RANBP17: variants seen among roughly 807,000 people sequenced by gnomAD.
The protein encoded by RANBP17 is ran-binding protein 17.
In RANBP17, 158 loss-of-function variants were observed where a neutral mutation model predicts 141.2. The ratio of observed to expected loss-of-function variants is 1.12; its 90% CI spans 0.98 to 1.28. RANBP17 has a LOEUF of 1.28. Among genes scored for constraint, RANBP17 ranks in the 50% most tolerant of loss-of-function variants. The pLI is 0.00. For missense variants in RANBP17, 1,438 were observed against 1,290.7 expected, an observed-to-expected ratio of 1.11 and a Z score of -1.75; for synonymous variants, 430 against 450.0, an observed-to-expected ratio of 0.96 and a Z score of 0.56.
intron 14 of RANBP17, among the ~76,000 whole-genome samples, chr5:171,148,157 A>G (rs1030483223): frequency 1.3e-5 from 2 of 152,048 alleles, no homozygotes; most frequent in South Asian, 2.1e-4. Context: ...AGGGCGGTGC[A>G]AGATGTGCTT....
chr5:171,071,136 A>T (rs983442673), intron 14 of RANBP17, among the ~76,000 whole-genome samples: 2 of 152,124 alleles, frequency 1.3e-5, no homozygotes, highest in Non-Finnish European at 2.9e-5. Flanking sequence ...CATACAGTTC[A>T]TGTTTCTGTG....
chr5:171,258,957 A>T (rs961986906), intron 24 of RANBP17, among the ~76,000 whole-genome samples: 1 of 152,228 alleles, frequency 6.6e-6, no homozygotes, highest in African/African-American at 2.4e-5. Context: ...ATGGGAGAGA[A>T]TATTTATAAA....
chr5:171,102,587 T>G (rs1306265685), intron 14 of RANBP17, among the ~76,000 whole-genome samples: 1 of 152,132 alleles, frequency 6.6e-6, no homozygotes, highest in Non-Finnish European at 1.5e-5. Flanking sequence ...TTCTGAAGCC[T>G]CCTTCTATCA....
At chr5:171,102,654 T>A (rs1240834626) in intron 14 of RANBP17, among the ~76,000 whole-genome samples, 1 of 152,160 alleles carries the variant, frequency 6.6e-6, no homozygotes, top group African/African-American at 2.4e-5. Context: ...GGAGTTGTGA[T>A]CCTTTGGAAG....
chr5:171,180,667 G>T (rs937429212), intron 16 of RANBP17, among the ~76,000 whole-genome samples: 1 of 151,912 alleles, frequency 6.6e-6, no homozygotes, highest in Non-Finnish European at 1.5e-5. Context: ...GCTTTGAATT[G>T]GATTTCTATA....
intron 14 of RANBP17, among the ~76,000 whole-genome samples, chr5:170,992,863 C>T (rs1195631261): frequency 1.3e-5 from 2 of 152,002 alleles, no homozygotes; most frequent in African/African-American, 4.8e-5. Context: ...CACCTGGAAA[C>T]GTTAAAAATG....
chr5:170,878,133 T>C lies in RANBP17; in HGVS notation c.55T>C (p.Tyr19His). ...ATTGGAAGTGTTATGTACTCATCTC[T>C]ACATAGGGACTGATCTTACACAAAG... ...AELEVLCTHLYIGTDLTQRIE... is the reference protein window; with the variant it reads ...AELEVLCTHLHIGTDLTQRIE... Residue 19 changes from tyrosine (Y) to histidine (H), a missense_variant, in exon 2 of 28, where the codon TAC becomes CAC. Transcript: ENST00000523189. 1 of 1,611,358 alleles carries C rather than the reference T, an allele frequency of 6.2e-7. No individual in the cohort carries two copies. Among genetic ancestry groups the C allele is most frequent in the Admixed American group, 1.7e-5 (1 of 59,808 alleles).
chr5:171,137,610 G>GTGTGTGTGTGTGTGTC (rs1757396669), intron 14 of RANBP17, among the ~76,000 whole-genome samples: 1 of 122,434 alleles, frequency 8.2e-6, no homozygotes, highest in Non-Finnish European at 1.9e-5. Context: ...GTGTGTCTGT[G>GTGTGTGTGTGTGTGTC]TGTGTGTGTG....
At chr5:170,976,243 A>T (rs1479545509) in intron 14 of RANBP17, among the ~76,000 whole-genome samples, 1 of 152,182 alleles carries the variant, frequency 6.6e-6, no homozygotes, top group African/African-American at 2.4e-5. Context: ...ATTCCATTAT[A>T]ATAGAATCAG....
intron 12 of RANBP17, among the ~76,000 whole-genome samples, chr5:170,936,355 C>T (rs571463043): frequency 1.8e-4 from 28 of 152,166 alleles, no homozygotes; most frequent in Non-Finnish European, 3.4e-4. Context: ...CTGTCTTCTG[C>T]GTCAGTCTCT....
intron 16 of RANBP17, among the ~76,000 whole-genome samples, chr5:171,178,266 G>A (rs1760642701): frequency 6.8e-6 from 1 of 147,922 alleles, no homozygotes; most frequent in African/African-American, 2.5e-5. Context: ...GTGAGAACAT[G>A]TGGTGTTTGG....
chr5:171,230,098 T>C (rs1225075441), intron 22 of RANBP17, among the ~76,000 whole-genome samples: 1 of 152,078 alleles, frequency 6.6e-6, no homozygotes, highest in East Asian at 1.9e-4. Context: ...TTATAGATTC[T>C]TCCCTTAAGG....
At chr5:171,047,500 G>A (rs1486714871) in intron 14 of RANBP17, among the ~76,000 whole-genome samples, 3 of 148,518 alleles carry the variant, frequency 2.0e-5, no homozygotes, top group Non-Finnish European at 3.0e-5. Context: ...GCAGTGGTGC[G>A]ATCTCAGCTC....
At chr5:170,975,911 G>A (rs1777335818) in intron 14 of RANBP17, among the ~76,000 whole-genome samples, 1 of 151,950 alleles carries the variant, frequency 6.6e-6, no homozygotes, top group African/African-American at 2.4e-5. Context: ...TCTTATGATC[G>A]AGAGTAAGAC....
chr5:171,013,334 G>C (rs889051180), intron 14 of RANBP17, among the ~76,000 whole-genome samples: 1 of 152,060 alleles, frequency 6.6e-6, no homozygotes, highest in African/African-American at 2.4e-5. Context: ...CTTTCCTATT[G>C]AGAAACCACA....
At chr5:171,273,062 C>T (rs1030567135) in intron 25 of RANBP17, among the ~76,000 whole-genome samples, 3 of 152,110 alleles carry the variant, frequency 2.0e-5, no homozygotes, top group Non-Finnish European at 4.4e-5. Context: ...TTAATGCCTC[C>T]GAGGTAGCTC....
At position 170,955,802 on chromosome 5, in the gene RANBP17, A is replaced by C. The variant is rs945794414; in HGVS notation, c.1574+2100A>C. 5.5e-5 allele frequency among the ~76,000 whole-genome samples: 8 copies of C among 145,932 alleles called. No homozygotes were observed. In the South Asian group the frequency reaches 1.7e-3, roughly 31 times the overall value. ...AATTTATAATAACAAAAATTGAGGA[A>C]CAACCTAAAATTCCTGTATATATAT... On this transcript the variant is annotated intron_variant, in intron 13 of 27. Transcript: ENST00000523189.
chr5:171,036,058 A>T (rs1031205976), intron 14 of RANBP17, among the ~76,000 whole-genome samples: 1 of 152,028 alleles, frequency 6.6e-6, no homozygotes, highest in African/African-American at 2.4e-5. Context: ...ATGCCCAGCT[A>T]ATTTTTGTAT....
At chr5:171,023,746 A>T (rs1271800069) in intron 14 of RANBP17, among the ~76,000 whole-genome samples, 1 of 152,202 alleles carries the variant, frequency 6.6e-6, no homozygotes, top group African/African-American at 2.4e-5. Context: ...TGAAAGAACA[A>T]GTTACCTTAG....
Sources: gnomAD v4.1 joint callset for allele counts (sites outside exome capture counted in the v4.1 genomes callset) on GRCh38, gnomAD v4.1.1 for gene constraint, MANE v1.5 for transcripts, NCBI Gene and HGNC (gene_info 2026-07-23, HGNC 2026-07-21) for gene names.